Variants in PSMD14 observed in about 807,000 individuals in gnomAD.
The protein encoded by PSMD14 is ubiquitin C-terminal hydrolase PSMD14.
PSMD14 carries 7 observed loss-of-function variants against 41.2 expected under a neutral mutation model. The observed-to-expected ratio is 0.17, with a 90% CI of 0.10 to 0.32. The LOEUF (loss-of-function observed/expected upper bound fraction) is 0.32, where lower values mean the gene tolerates loss of function less well. PSMD14 is among the 10% of genes least tolerant of loss of function. PSMD14 has a pLI of 1.00. For synonymous variants in PSMD14, 114 were observed against 122.3 expected (o/e 0.93, Z 0.45); for missense variants, 139 against 375.6 (o/e 0.37, Z 5.21).
intron 8 of PSMD14, among the ~76,000 whole-genome samples, chr2:161,390,701 G>A (rs767786577): frequency 5.9e-5 from 9 of 152,062 alleles, no homozygotes; most frequent in Non-Finnish European, 1.3e-4. Flanking sequence ...GATTAATGTG[G>A]GTAAAGAAAC....
chr2:161,314,492 A>G (rs1689126740), intron 1 of PSMD14, among the ~76,000 whole-genome samples: 1 of 152,206 alleles, frequency 6.6e-6, no homozygotes, highest in Admixed American at 6.5e-5. Flanking sequence ...GTTCCAGAAC[A>G]TTTCTGTCAT....
intron 3 of PSMD14, chr2:161,341,222 C>CA (rs1162271034): frequency 1.0e-6 from 1 of 977,136 alleles, no homozygotes; most frequent in African/African-American, 1.8e-5. Flanking sequence ...GGGCAGGCTC[C>CA]GGGCTCGCGG....
chr2:161,359,167 T>C (rs1246054532), intron 3 of PSMD14, among the ~76,000 whole-genome samples: 1 of 152,126 alleles, frequency 6.6e-6, no homozygotes, highest in African/African-American at 2.4e-5. Context: ...AGATGCGGTC[T>C]TACTATGTTG....
chr2:161,378,377 ATTG>A (rs1423988052), intron 7 of PSMD14, among the ~76,000 whole-genome samples: 2 of 152,018 alleles, frequency 1.3e-5, no homozygotes, highest in Non-Finnish European at 2.9e-5. Context: ...TAAAGACTAT[ATTG>A]TTAACAAGCT....
At chr2:161,355,766 G>A (rs1052116900) in intron 3 of PSMD14, among the ~76,000 whole-genome samples, 1 of 152,108 alleles carries the variant, frequency 6.6e-6, no homozygotes, top group Non-Finnish European at 1.5e-5. Flanking sequence ...TAGACATTAT[G>A]GGAATAAAAA....
chr2:161,362,886 A>G (rs1334172138), intron 3 of PSMD14, among the ~76,000 whole-genome samples: 2 of 152,156 alleles, frequency 1.3e-5, no homozygotes, highest in Non-Finnish European at 2.9e-5. Flanking sequence ...TTTTTTTTAA[A>G]TTCAAGAAAA....
intron 6 of PSMD14, 58 bp downstream of exon 6, chr2:161,370,235 C>A: frequency 1.6e-6 from 2 of 1,264,808 alleles, no homozygotes; most frequent in South Asian, 2.9e-5. Flanking sequence ...AGAAACATAC[C>A]TCAAAGTTAT....
chr2:161,360,605 T>A (rs1264977110), intron 3 of PSMD14, among the ~76,000 whole-genome samples: 2 of 152,198 alleles, frequency 1.3e-5, no homozygotes, highest in Non-Finnish European at 2.9e-5. Flanking sequence ...TCCGCTTGCC[T>A]CTGCCTCCCA....
chr2:161,315,335 A>G (rs950939257), intron 1 of PSMD14, among the ~76,000 whole-genome samples: 8 of 152,252 alleles, frequency 5.3e-5, no homozygotes, highest in African/African-American at 1.7e-4. Context: ...TATTGTCATC[A>G]TTAGAGACTA....
intron 7 of PSMD14, among the ~76,000 whole-genome samples, chr2:161,376,766 A>G (rs1683508603): frequency 3.9e-5 from 6 of 151,962 alleles, no homozygotes; most frequent in Admixed American, 3.9e-4. Context: ...TGTCTTCCCC[A>G]CAAGACTGAG....
At chr2:161,408,315 A>ATG (rs1683981171) in intron 10 of PSMD14, 2 of 154,232 alleles carry the variant, frequency 1.3e-5, no homozygotes, top group Admixed American at 6.3e-5. Flanking sequence ...AGAGAAACCC[A>ATG]TGTGATTTGT....
intron 10 of PSMD14, among the ~76,000 whole-genome samples, chr2:161,397,849 C>T (rs1246866613): frequency 6.6e-6 from 1 of 152,102 alleles, no homozygotes; most frequent in Non-Finnish European, 1.5e-5. Context: ...TCTTATCTTT[C>T]TAGTATACGT....
In PSMD14 at chr2:161,341,290, C is replaced by G. The variant is rs954625244; in HGVS notation, c.48+22417C>G. On this transcript the variant is annotated intron_variant, in intron 3 of 11. Transcript: ENST00000409682. ...AGAAGGGCCAGCGCGGTGGCCAGCG[C>G]AGGCAGCGCGGCCAGCAGCTCGGCC... The G allele has an allele frequency of 7.8e-5, 80 of 1,020,350 alleles. No individual in the cohort carries two copies. In the Middle Eastern group the frequency reaches 1.9e-3, roughly 25 times the overall value. The allele number at this position is 1,020,350 out of a possible 1,614,324, so 63.2% of individuals were successfully genotyped here. A position where few individuals can be genotyped will look rare whatever the true frequency, so the allele number is the denominator to read the frequency against.
chr2:161,403,340 CAAATCCATAGAGACAGAA>C (rs1326774618), intron 10 of PSMD14, among the ~76,000 whole-genome samples: 1 of 152,048 alleles, frequency 6.6e-6, no homozygotes, highest in Non-Finnish European at 1.5e-5. Flanking sequence ...ACAGACTAGG[CAAATCCATAGAGACAGAA>C]AACAGATGTG....
At chr2:161,405,520 A>G (rs72877941) in intron 10 of PSMD14, among the ~76,000 whole-genome samples, 1,683 of 152,032 alleles carry the variant, frequency 0.011, 18 homozygotes, top group Middle Eastern at 0.037. Context: ...CTTTATTGAG[A>G]TGTTTTAAGG....
intron 7 of PSMD14, among the ~76,000 whole-genome samples, chr2:161,372,572 A>C (rs1230941395): frequency 6.6e-6 from 1 of 151,986 alleles, no homozygotes; most frequent in Non-Finnish European, 1.5e-5. Flanking sequence ...GATATACTAG[A>C]CCATTCAGAA....
chr2:161,309,006 C>G (rs1467217466), intron 1 of PSMD14, among the ~76,000 whole-genome samples: 1 of 152,170 alleles, frequency 6.6e-6, no homozygotes, highest in South Asian at 2.1e-4. Flanking sequence ...TTTGTTTTAT[C>G]TCTTGTCCTT....
chr2:161,351,931 G>A lies in PSMD14; in HGVS notation c.49-15547G>A, dbSNP rs536945871. ...GCAGTCGTACTATGTGCCTGAGAGA[G>A]CGGAACCAGAAATATTTCAGGGAGA... is the stretch of plus-strand genomic sequence containing the variant. On this transcript the variant is annotated intron_variant, in intron 3 of 11. Transcript: ENST00000409682. Among the ~76,000 whole-genome samples, 3 of 152,294 alleles carry A rather than the reference G, an allele frequency of 2.0e-5. No individual in the cohort carries two copies. In the South Asian group the frequency reaches 6.2e-4, roughly 32 times the overall value.
At chr2:161,397,119 C>T (rs1559054676) in intron 10 of PSMD14, among the ~76,000 whole-genome samples, 2 of 152,134 alleles carry the variant, frequency 1.3e-5, no homozygotes, top group Non-Finnish European at 2.9e-5. Context: ...AATGAGCCAC[C>T]GTGCCTGGCC....
Sources: gnomAD v4.1 joint callset for allele counts (sites outside exome capture counted in the v4.1 genomes callset) on GRCh38, gnomAD v4.1.1 for gene constraint, MANE v1.5 for transcripts, NCBI Gene and HGNC (gene_info 2026-07-23, HGNC 2026-07-21) for gene names.